Variants in SRPK2 observed in about 807,000 individuals in gnomAD.
SRPK2 encodes SRSF protein kinase 2.
Under a neutral mutation model 90.8 loss-of-function variants are expected in SRPK2, and 21 were observed. That is an observed-to-expected ratio of 0.23 (90% CI 0.16 to 0.33). The LOEUF is 0.33. Ranked by LOEUF, SRPK2 falls within the 10% of genes least tolerant of loss-of-function variation. The pLI is 1.00. For synonymous variants in SRPK2, 288 were observed against 311.1 expected (o/e 0.93, Z 0.78); for missense variants, 620 against 869.0 (o/e 0.71, Z 3.60).
intron 2 of SRPK2, among the ~76,000 whole-genome samples, chr7:105,257,591 T>C (rs1045950637): frequency 6.6e-6 from 1 of 152,206 alleles, no homozygotes; most frequent in African/African-American, 2.4e-5. Flanking sequence ...TGTCCCTTTA[T>C]GACACCTGCA....
chr7:105,128,064 T>G (rs1315391307), intron 13 of SRPK2, among the ~76,000 whole-genome samples: 1 of 152,084 alleles, frequency 6.6e-6, no homozygotes, highest in Non-Finnish European at 1.5e-5. Flanking sequence ...AAGGCACCTT[T>G]AAGGGAAGGC....
intron 2 of SRPK2, among the ~76,000 whole-genome samples, chr7:105,297,890 C>A (rs975064594): frequency 3.3e-5 from 5 of 151,972 alleles, no homozygotes; most frequent in Non-Finnish European, 5.9e-5. Context: ...TACAGGCATG[C>A]GCCACTATGC....
At position 105,301,465 on chromosome 7, in the gene SRPK2, T is replaced by C. The variant is rs111524928; in HGVS notation, c.71+87183A>G. 4.0e-3 allele frequency: 3,802 copies of C among 952,632 alleles called. 90 individuals carry two copies. In the African/African-American group the frequency reaches 0.052, roughly 13 times the overall value. The allele number at this position is 952,632 out of a possible 1,614,324, so 59.0% of individuals were successfully genotyped here. ...GGCCTCTGGGCCGCTGCCCTCGCTT[T>C]GTCTTCGTTGTTGCAAGCACCGTCC... On this transcript the variant is annotated intron_variant, in intron 2 of 15. Transcript: ENST00000393651.
Position 105,126,273 on chromosome 7 carries a change from A to G in SRPK2, c.1890T>C (p.Tyr630=), listed in dbSNP as rs1443267712. The G allele has an allele frequency of 1.2e-5, 20 of 1,614,070 alleles. No homozygotes were observed. Among genetic ancestry groups the G allele is most frequent in the Non-Finnish European group, 1.7e-5 (20 of 1,179,920 alleles). The part of the protein sequence containing the change: ...IPRHFALSGK[Y]SREFFNRRGE... ...CTCTGCGATTGAAGAATTCCCGAGA[A>G]TATTTTCCAGATAGAGCAAAGTGCC... is the stretch of plus-strand genomic sequence containing the variant. The change falls in exon 15 of 16, where the codon TAT becomes TAC. Residue 630 remains tyrosine, a synonymous_variant. Transcript: ENST00000393651.
At chr7:105,235,247 T>C (rs1799980219) in intron 2 of SRPK2, among the ~76,000 whole-genome samples, 1 of 152,264 alleles carries the variant, frequency 6.6e-6, no homozygotes, top group South Asian at 2.1e-4. Flanking sequence ...TGTTTGCTTA[T>C]AATATTTAAT....
At chr7:105,125,834 A>G in intron 15 of SRPK2, 17 of 1,296,490 alleles carry the variant, frequency 1.3e-5, no homozygotes, top group Non-Finnish European at 1.5e-5. Context: ...CGTATTTTCG[A>G]GGGACTTTCC....
chr7:105,147,094 C>T (rs575296859), intron 7 of SRPK2, among the ~76,000 whole-genome samples: 2 of 152,162 alleles, frequency 1.3e-5, no homozygotes. Flanking sequence ...AGTATATTTT[C>T]TCTTCTTTAT....
intron 2 of SRPK2, among the ~76,000 whole-genome samples, chr7:105,239,670 C>T (rs912003679): frequency 1.8e-4 from 28 of 152,242 alleles, no homozygotes; most frequent in African/African-American, 6.3e-4. Context: ...TCTGGTTAGA[C>T]GGAGTCTGAC....
At chr7:105,300,331 T>C (rs1810388778) in intron 2 of SRPK2, among the ~76,000 whole-genome samples, 1 of 151,726 alleles carries the variant, frequency 6.6e-6, no homozygotes, top group Non-Finnish European at 1.5e-5. Context: ...CTTGTGTGAC[T>C]TGTATAGTTA....
At chr7:105,205,942 C>T (rs1474897384) in intron 2 of SRPK2, 3 of 518,880 alleles carry the variant, frequency 5.8e-6, no homozygotes, top group Non-Finnish European at 1.2e-5. Flanking sequence ...CACACACACA[C>T]ACACATTGAG....
intron 2 of SRPK2, among the ~76,000 whole-genome samples, chr7:105,253,645 T>C (rs1802795209): frequency 1.3e-5 from 2 of 151,784 alleles, no homozygotes; most frequent in Non-Finnish European, 2.9e-5. Context: ...CAAGCCGTCC[T>C]GAGACTACAC....
Position 105,388,810 on chromosome 7 carries a change from G to A in SRPK2, c.-4C>T, listed in dbSNP as rs1821975921. ...ACTCACCTTTCCGGGAGCTCATTCC[G>A]ACGCGGCGGAAGCGGGGCGGGGGGC... On this transcript the variant is annotated 5_prime_UTR_variant, in exon 1 of 16. Coordinates refer to ENST00000393651, the MANE Select transcript of SRPK2 (RefSeq NM_182692.3). 7.0e-7 allele frequency: 1 copy of A among 1,432,192 alleles called. No individual in the cohort carries two copies. The highest frequency in any genetic ancestry group is 9.2e-7 in the Non-Finnish European group (1 of 1,090,518). 88.7% of individuals were successfully genotyped at this position (1,432,192 alleles called of 1,614,324 possible). A position where few individuals can be genotyped will look rare whatever the true frequency, so the allele number is the denominator to read the frequency against.
intron 7 of SRPK2, among the ~76,000 whole-genome samples, chr7:105,157,484 AGTAGATT>A (rs1806682911): frequency 6.6e-6 from 1 of 152,218 alleles, no homozygotes; most frequent in African/African-American, 2.4e-5. Flanking sequence ...ACCTCAGGTA[AGTAGATT>A]ATTAACTGGA....
downstream of SRPK2, chr7:105,116,254 A>G (rs1036010335): frequency 6.6e-6 from 1 of 152,188 alleles, no homozygotes; most frequent in Non-Finnish European, 1.5e-5. Context: ...ATACGCCTCA[A>G]TGCATGTTCT....
At chr7:105,143,843 G>C (rs547413078) in intron 9 of SRPK2, 1 of 153,338 alleles carries the variant, frequency 6.5e-6, no homozygotes, top group Non-Finnish European at 1.5e-5. Context: ...AAAAGAAAAA[G>C]CTACAGCTTT....
At chr7:105,169,718 A>G (rs1250438421) in intron 3 of SRPK2, among the ~76,000 whole-genome samples, 2 of 152,198 alleles carry the variant, frequency 1.3e-5, no homozygotes, top group Non-Finnish European at 2.9e-5. Context: ...GCCTGACCAA[A>G]AAGTGTTCTA....
At chr7:105,126,946 C>A in intron 14 of SRPK2, 47 bp downstream of exon 14, 1 of 1,587,276 alleles carries the variant, frequency 6.3e-7, no homozygotes, top group Non-Finnish European at 8.6e-7. Flanking sequence ...AAGTTCAGGG[C>A]TGGCAGAAGA....
chr7:105,221,321 C>T (rs934976640), intron 2 of SRPK2, among the ~76,000 whole-genome samples: 1 of 152,162 alleles, frequency 6.6e-6, no homozygotes. Context: ...AAGTTGAGAG[C>T]TTGGTTTAAG....
chr7:105,347,868 A>C (rs377594529), intron 2 of SRPK2, among the ~76,000 whole-genome samples: 1 of 151,798 alleles, frequency 6.6e-6, no homozygotes, highest in African/African-American at 2.4e-5. Flanking sequence ...AAAAAAAAAA[A>C]AAAGAAAGAA....
Sources: gnomAD v4.1 joint callset for allele counts (sites outside exome capture counted in the v4.1 genomes callset) on GRCh38, gnomAD v4.1.1 for gene constraint, MANE v1.5 for transcripts, NCBI Gene and HGNC (gene_info 2026-07-23, HGNC 2026-07-21) for gene names.